The following NLRC5 variants were observed in gnomAD, a reference collection of about 807,000 sequenced individuals.
NLRC5 encodes protein NLRC5.
A neutral mutation model predicts 206.9 loss-of-function variants in NLRC5; 114 were observed. That is an observed-to-expected ratio of 0.55 (90% CI 0.47 to 0.64). NLRC5 has a LOEUF of 0.64. Ranked by LOEUF, NLRC5 falls within the 30% of genes least tolerant of loss-of-function variation. The probability of loss-of-function intolerance (pLI) is 0.00; values close to 1 mark genes in which losing one functional copy is unlikely to be tolerated. For missense variants in NLRC5, 2,008 were observed against 2,305.5 expected (o/e 0.87, Z 2.64); for synonymous variants, 952 against 962.8 (o/e 0.99, Z 0.21).
chr16:57,025,510 C>T lies in NLRC5; in HGVS notation c.567C>T (p.Asp189=), dbSNP rs772690279. Residue 189 remains aspartate, a synonymous_variant, in exon 6 of 49, where the codon GAC becomes GAT. Transcript: ENST00000688547. ...PILRRATASL[D]TPEGAIMGDV... is the part of the protein sequence containing the mutation. ...TGCGCCGGGCCACAGCATCCTTAGA[C>T]ACTCCGGAGGGGGCCATTATGGGGG... 5.0e-6 allele frequency: 8 copies of T among 1,613,628 alleles called. No homozygotes were observed. The African/African-American group carries it at 9.3e-5, about 19-fold the overall frequency.
In NLRC5 at chr16:57,059,499, T is replaced by G. The variant is rs1393151263; in HGVS notation, c.3953T>G (p.Phe1318Cys). Residue 1318 changes from phenylalanine to cysteine, a missense_variant, in exon 30 of 49, where the codon TTC becomes TGC. Physicochemically the swap from Phe to Cys is radical, Grantham distance 205 (BLOSUM62 -2). Transcript: ENST00000688547. Reference sequence around the variant, plus strand: ...TCTGAGCAGAGCTTCCGGATTCACTTCTCCAGAGAGGACCAGGCTGGGAAG... The same window carrying G: ...TCTGAGCAGAGCTTCCGGATTCACTGCTCCAGAGAGGACCAGGCTGGGAAG... ...LGSEQSFRIHFSREDQAGKTL... is the reference protein window; with the variant it reads ...LGSEQSFRIHCSREDQAGKTL... 1 of 1,611,970 alleles carries G rather than the reference T, an allele frequency of 6.2e-7. No homozygotes were observed. Among genetic ancestry groups the G allele is most frequent in the Non-Finnish European group, 8.5e-7 (1 of 1,179,172 alleles).
chr16:57,080,481 ATTTTT>A (rs34595999), intron 46 of NLRC5, among the ~76,000 whole-genome samples: 4,167 of 111,138 alleles, frequency 0.037, 202 homozygotes, highest in African/African-American at 0.13. Flanking sequence ...TCCTTTCAAG[ATTTTT>A]TTTTTTTTTT....
At chr16:56,999,782 GGGGCTCTCAGA>G (rs1334710301) in intron 1 of NLRC5, among the ~76,000 whole-genome samples, 1 of 152,206 alleles carries the variant, frequency 6.6e-6, no homozygotes, top group East Asian at 1.9e-4. Context: ...CAGGGCCTTT[GGGGCTCTCAGA>G]GGACAAGAAT....
intron 16 of NLRC5, 68 bp downstream of exon 16, chr16:57,039,917 G>A: frequency 7.4e-7 from 1 of 1,352,504 alleles, no homozygotes; most frequent in Admixed American, 1.8e-5. Context: ...CTCCACAGCT[G>A]GGCAGTGCCA....
intron 32 of NLRC5, 74 bp downstream of exon 32, chr16:57,061,775 GC>G: frequency 1.3e-6 from 2 of 1,564,976 alleles, no homozygotes; most frequent in Non-Finnish European, 1.7e-6. Flanking sequence ...GGAGTAAGAG[GC>G]CCCCAGGATC....
At chr16:56,996,163 G>GCTTT (rs754043341) in intron 1 of NLRC5, among the ~76,000 whole-genome samples, 13 of 152,082 alleles carry the variant, frequency 8.5e-5, no homozygotes, top group African/African-American at 2.2e-4. Context: ...GTTTTCCTTG[G>GCTTT]CTTTCTTTCT....
intron 35 of NLRC5, 99 bp from the exon 36 acceptor site, chr16:57,067,637 G>C: frequency 7.2e-7 from 1 of 1,381,220 alleles, no homozygotes; most frequent in African/African-American, 1.4e-5. Flanking sequence ...GGAGCTCTTG[G>C]GTGGCCCCTT....
At chr16:57,041,412 G>A (rs1395522567) in intron 17 of NLRC5, 73 bp from the exon 18 acceptor site, 3 of 1,255,640 alleles carry the variant, frequency 2.4e-6, no homozygotes, top group Admixed American at 1.8e-5. Context: ...TCTGTGTCTG[G>A]GGGGTGGGAA....
In NLRC5 at chr16:57,042,000, G is replaced by A. The variant is rs73546859; in HGVS notation, c.3048G>A (p.Leu1016=). The change falls in exon 19 of 49, where the codon CTG becomes CTA. Residue 1016 remains leucine, a synonymous_variant. Coordinates refer to ENST00000688547, the MANE Select transcript of NLRC5 (RefSeq NM_001384950.1). ...HLHLDFSGNA[L]GDEGAARLAQ... Reference sequence around the variant, plus strand: ...CCCCCAGCTTCTCAGGCAATGCTCTGGGGGATGAAGGTGCAGCCCGGCTGG... The same window carrying A: ...CCCCCAGCTTCTCAGGCAATGCTCTAGGGGATGAAGGTGCAGCCCGGCTGG... The A allele has an allele frequency of 3.2e-3, 5,034 of 1,579,432 alleles. 138 individuals carry two copies. The African/African-American group carries it at 0.06, about 19-fold the overall frequency.
intron 1 of NLRC5, chr16:57,013,666 G>A (rs2059732376): frequency 2.2e-6 from 2 of 902,654 alleles, no homozygotes; most frequent in Non-Finnish European, 3.7e-6. Context: ...TTTGAATCTT[G>A]TATGATGAAC....
rs71383218 is a variant in NLRC5, at chr16:57,078,466, G to GTTTTT, written c.5081+466_5081+470dup. 2.3e-3 allele frequency among the ~76,000 whole-genome samples: 214 copies of GTTTTT among 92,198 alleles called. 12 individuals carry two copies. The highest frequency in any genetic ancestry group is 9.4e-3 in the African/African-American group (189 of 20,054). The allele number at this position is 92,198 out of a possible 152,430, so 60.5% of individuals were successfully genotyped here. On this transcript the variant is annotated intron_variant, in intron 43 of 48. Coordinates refer to ENST00000688547, the MANE Select transcript of NLRC5 (RefSeq NM_001384950.1). ...CAGAGTCCCAGAGTGCTGGGACCTT[G>GTTTTT]TTTTTTTTTTTTTTTTTTTTTTTTA...
intron 43 of NLRC5, 42 bp downstream of exon 43, chr16:57,078,062 G>A: frequency 2.0e-6 from 3 of 1,510,116 alleles, no homozygotes; most frequent in Non-Finnish European, 2.7e-6. Flanking sequence ...CTGGTGGGGA[G>A]GAGGGTCCTC....
At chr16:57,013,947 T>C in intron 1 of NLRC5, 1 of 468,360 alleles carries the variant, frequency 2.1e-6, no homozygotes. Context: ...AGATTCAGAA[T>C]TTCAAATGTC....
intron 1 of NLRC5, among the ~76,000 whole-genome samples, chr16:57,016,541 C>T (rs1233421576): frequency 6.6e-6 from 1 of 152,136 alleles, no homozygotes; most frequent in African/African-American, 2.4e-5. Context: ...TGTGCCAGCT[C>T]ATCTTTTTAT....
Position 57,082,523 on chromosome 16 carries a change from A to T in NLRC5, c.5596A>T (p.Thr1866Ser), listed in dbSNP as rs1260798846. The change falls in exon 49 of 49, where the codon ACT becomes TCT. Residue 1866 changes from threonine (T) to serine (S), a missense_variant. Thr to Ser is a moderately conservative substitution (Grantham distance 58). Coordinates refer to ENST00000688547, the MANE Select transcript of NLRC5 (RefSeq NM_001384950.1). ...CAACCAGCCCCAGGCCCCTTGGGGT[A>T]CTTGATGGCCCCCTCAAGACCTTTG... ...FDNQPQAPWG[T>S] is the part of the protein sequence containing the mutation. 1.2e-6 allele frequency: 2 copies of T among 1,609,188 alleles called. No homozygotes were observed. The highest frequency in any genetic ancestry group is 2.2e-5 in the South Asian group (2 of 90,778).
intron 26 of NLRC5, 61 bp from the exon 27 acceptor site, chr16:57,055,372 C>T (rs1342476338): frequency 1.0e-5 from 15 of 1,507,340 alleles, no homozygotes; most frequent in Admixed American, 1.7e-5. Context: ...CTAGCCAGGC[C>T]GGAGGGGGTC....
At position 57,026,991 on chromosome 16, in the gene NLRC5, T is replaced by A. The variant is rs770899199; in HGVS notation, c.2048T>A (p.Val683Glu). Residue 683 changes from valine to glutamate, a missense_variant, in exon 6 of 49, where the codon GTA (valine) becomes GAA (glutamate). Val to Glu is a moderately radical substitution (Grantham distance 121). Transcript: ENST00000688547. ...PLEPHCPEAL[V>E]GCGQIENLSF... Reference sequence around the variant, plus strand: ...GAGCCCCACTGCCCTGAGGCTCTGGTAGGCTGTGGGCAGATAGAGAATCTC... The same window carrying A: ...GAGCCCCACTGCCCTGAGGCTCTGGAAGGCTGTGGGCAGATAGAGAATCTC... The A allele has an allele frequency of 1.5e-5, 25 of 1,613,904 alleles. No individual in the cohort carries two copies. The highest frequency in any genetic ancestry group is 1.6e-4 in the Middle Eastern group (1 of 6,082).
chr16:57,045,970 C>T (rs1259327318), intron 21 of NLRC5, among the ~76,000 whole-genome samples: 1 of 152,236 alleles, frequency 6.6e-6, no homozygotes, highest in African/African-American at 2.4e-5. Context: ...TCCCGGCTGC[C>T]CTCTAGTGGG....
In NLRC5 at chr16:57,047,526, G is replaced by T; in HGVS notation, c.3339-19G>T. 1 of 1,605,960 alleles carries T rather than the reference G, an allele frequency of 6.2e-7. No homozygotes were observed. The highest frequency in any genetic ancestry group is 8.5e-7 in the Non-Finnish European group (1 of 1,175,600). On this transcript the variant is annotated intron_variant, in intron 22 of 48. Coordinates refer to ENST00000688547, the MANE Select transcript of NLRC5 (RefSeq NM_001384950.1). ...TGGGCTTTCTCTGATTCCCTGCCCT[G>T]CCCATTGCCCCTTTGCAGCCTCAGT...
Sources: allele counts gnomAD v4.1 joint callset (sites outside exome capture counted in the v4.1 genomes callset), GRCh38; gene constraint gnomAD v4.1.1; transcripts MANE v1.5; gene names NCBI Gene and HGNC (gene_info 2026-07-23, HGNC 2026-07-21).